Variants in ENPP2 observed in about 807,000 individuals in gnomAD.
ENPP2 encodes ectonucleotide pyrophosphatase/phosphodiesterase 2, also known as autotaxin.
A neutral mutation model predicts 120.2 loss-of-function variants in ENPP2; 51 were observed. The ratio of observed to expected loss-of-function variants is 0.42; its 90% CI spans 0.34 to 0.54. The LOEUF (loss-of-function observed/expected upper bound fraction) is 0.54, where lower values mean the gene tolerates loss of function less well. ENPP2 is among the 20% of genes least tolerant of loss of function. The pLI is 0.04. For synonymous variants in ENPP2, 365 were observed against 366.4 expected (o/e 1.00, Z 0.04); for missense variants, 920 against 1,066.5 (o/e 0.86, Z 1.91).
intron 20 of ENPP2, 78 bp from the exon 21 acceptor site, chr8:119,569,448 C>T: frequency 7.2e-7 from 1 of 1,382,356 alleles, no homozygotes. Context: ...TCTGGCTTCT[C>T]CTATGCTTGT....
chr8:119,619,405 T>G, intron 4 of ENPP2, 101 bp from the exon 5 acceptor site: 1 of 764,490 alleles, frequency 1.3e-6, no homozygotes, highest in Non-Finnish European at 2.1e-6. Flanking sequence ...ATACTTTCTT[T>G]ATGGGATATA....
intron 2 of ENPP2, among the ~76,000 whole-genome samples, chr8:119,636,237 G>T (rs548020346): frequency 3.3e-5 from 5 of 152,198 alleles, no homozygotes; most frequent in Non-Finnish European, 5.9e-5. Flanking sequence ...TGTCAATCGA[G>T]AGAGATCCTT....
intron 1 of ENPP2, chr8:119,673,234 G>A (rs768420223): frequency 6.5e-7 from 1 of 1,532,126 alleles, no homozygotes; most frequent in African/African-American, 1.4e-5. Context: ...GACGGGTAGA[G>A]AGAGGCGCAT....
At chr8:119,653,237 C>T (rs1466294036) in intron 1 of ENPP2, among the ~76,000 whole-genome samples, 1 of 152,218 alleles carries the variant, frequency 6.6e-6, no homozygotes, top group African/African-American at 2.4e-5. Flanking sequence ...TTAATTCACT[C>T]ATTCATTTGT....
intron 22 of ENPP2, among the ~76,000 whole-genome samples, chr8:119,566,920 A>AAT (rs1265610539): frequency 6.6e-6 from 1 of 152,252 alleles, no homozygotes; most frequent in East Asian, 1.9e-4. Flanking sequence ...ATAAGCAATA[A>AAT]ATTCTCTTTG....
intron 8 of ENPP2, among the ~76,000 whole-genome samples, chr8:119,612,202 G>C (rs1249542817): frequency 6.6e-6 from 1 of 152,114 alleles, no homozygotes; most frequent in South Asian, 2.1e-4. Context: ...GTAAGCAAAG[G>C]CACCAGGTTA....
In ENPP2 at chr8:119,618,170, C is replaced by CT. The variant is rs1416061043; in HGVS notation, c.480-608dup. ...GTGACCTGTTATTATTCATTGGTAG[C>CT]TTTTTTTGAGATGAGCTATCAAGGC... On this transcript the variant is annotated intron_variant, in intron 5 of 24. Transcript: ENST00000075322. The CT allele has an allele frequency of 3.2e-5, 12 of 370,134 alleles. No homozygotes were observed. The Admixed American group carries it at 3.7e-4, about 12-fold the overall frequency. The allele number at this position is 370,134 out of a possible 1,614,324, so 22.9% of individuals were successfully genotyped here. A position where few individuals can be genotyped will look rare whatever the true frequency, so the allele number is the denominator to read the frequency against.
intron 9 of ENPP2, 72 bp from the exon 10 acceptor site, chr8:119,601,534 C>A: frequency 1.8e-6 from 2 of 1,102,816 alleles, no homozygotes; most frequent in Non-Finnish European, 2.8e-6. Flanking sequence ...GGAGTGCTCG[C>A]TCTTGCACCC....
intron 1 of ENPP2, among the ~76,000 whole-genome samples, chr8:119,659,961 TA>T (rs1817875294): frequency 6.6e-6 from 1 of 152,206 alleles, no homozygotes; most frequent in African/African-American, 2.4e-5. Flanking sequence ...ATAAACATCT[TA>T]TCTCACCACA....
intron 2 of ENPP2, among the ~76,000 whole-genome samples, chr8:119,633,229 T>C (rs1816790413): frequency 1.3e-5 from 2 of 152,206 alleles, no homozygotes; most frequent in South Asian, 2.1e-4. Context: ...CCCGTAAAGA[T>C]GCAAATACTC....
At chr8:119,655,575 G>A (rs1817746610) in intron 1 of ENPP2, among the ~76,000 whole-genome samples, 1 of 152,062 alleles carries the variant, frequency 6.6e-6, no homozygotes, top group African/African-American at 2.4e-5. Context: ...TTCCTCATAG[G>A]GTTGCTGTGG....
In ENPP2 at chr8:119,582,418, C is replaced by T. The variant is rs144959281; in HGVS notation, c.1728G>A (p.Lys576=). ...GCTCDDKVEP[K]NKLDELNKRL... ...TAATAAACATAAAGATTATTTCTAC[C>T]TTTGGCTCTACCTTATCATCACAAG... is the stretch of plus-strand genomic sequence containing the variant. The change falls in exon 18 of 25, where the codon AAG becomes AAA. Residue 576 remains lysine (K), a splice_region_variant and synonymous_variant. Transcript: ENST00000075322. 109 of 1,611,952 alleles carry T rather than the reference C, an allele frequency of 6.8e-5. No homozygotes were observed. In the African/African-American group the frequency reaches 1.4e-3, roughly 20 times the overall value.
At chr8:119,668,561 T>C (rs568004065) in intron 1 of ENPP2, among the ~76,000 whole-genome samples, 2 of 151,622 alleles carry the variant, frequency 1.3e-5, no homozygotes, top group South Asian at 4.2e-4. Flanking sequence ...CCCGAGTACC[T>C]GGGACTACAG....
intron 10 of ENPP2, 56 bp downstream of exon 10, chr8:119,601,341 A>G: frequency 8.2e-7 from 1 of 1,221,088 alleles, no homozygotes; most frequent in East Asian, 2.3e-5. Context: ...TGTTTCACGC[A>G]ATTCTAAACT....
At chr8:119,638,621 C>T (rs1209058660) in intron 1 of ENPP2, 94 bp from the exon 2 acceptor site, 3 of 993,132 alleles carry the variant, frequency 3.0e-6, no homozygotes, top group Non-Finnish European at 4.9e-6. Context: ...ATATCAACAC[C>T]CAATCCTACC....
chr8:119,653,019 C>T (rs2130878395), intron 1 of ENPP2, among the ~76,000 whole-genome samples: 1 of 152,252 alleles, frequency 6.6e-6, no homozygotes, highest in African/African-American at 2.4e-5. Context: ...TGGCTACCAC[C>T]CTAAATGACT....
intron 1 of ENPP2, among the ~76,000 whole-genome samples, chr8:119,662,454 G>A (rs978652869): frequency 3.3e-5 from 5 of 152,032 alleles, no homozygotes; most frequent in East Asian, 1.9e-4. Context: ...AGTTCGAAAC[G>A]CAAATCCTCT....
intron 9 of ENPP2, among the ~76,000 whole-genome samples, chr8:119,605,162 C>T (rs1359323562): frequency 1.3e-5 from 2 of 152,080 alleles, no homozygotes; most frequent in African/African-American, 2.4e-5. Context: ...GCCTCAAACT[C>T]CTCGGGCTTG....
At chr8:119,559,318 GGTCA>G (rs1286838701) in intron 24 of ENPP2, among the ~76,000 whole-genome samples, 2 of 152,128 alleles carry the variant, frequency 1.3e-5, no homozygotes, top group African/African-American at 4.8e-5. Flanking sequence ...ATTTTTCAGT[GGTCA>G]GTCAGTCCAA....
Sources: allele counts gnomAD v4.1 joint callset (sites outside exome capture counted in the v4.1 genomes callset), GRCh38; gene constraint gnomAD v4.1.1; transcripts MANE v1.5; gene names NCBI Gene and HGNC (gene_info 2026-07-23, HGNC 2026-07-21).